VPS13A: variants seen among roughly 807,000 people sequenced by gnomAD.
VPS13A encodes the protein vacuolar protein sorting 13 homolog A, also known as intermembrane lipid transfer protein VPS13A.
Under a neutral mutation model 390.9 loss-of-function variants are expected in VPS13A, and 264 were observed. That is an observed-to-expected ratio of 0.68 (90% confidence interval 0.61 to 0.75). The LOEUF (loss-of-function observed/expected upper bound fraction) is 0.75, where lower values mean the gene tolerates loss of function less well. Among genes scored for constraint, VPS13A ranks in the 30% least tolerant of loss-of-function variants. The pLI is 0.00. For missense variants in VPS13A, 3,409 were observed against 3,733.9 expected (o/e 0.91, Z 2.27); for synonymous variants, 1,231 against 1,227.1 (o/e 1.00, Z -0.07).
chr9:77,416,770 T>TTAA lies in VPS13A; in HGVS notation c.*767_*769dup, dbSNP rs1835181368. On this transcript the variant is annotated 3_prime_UTR_variant, in exon 72 of 72. Transcript: ENST00000360280. Reference sequence around the variant, plus strand: ...TACTTGGTTTACCCAAGTCATGTTTTTAATAGACTGCTAATATCAAAGGAG... The same window carrying TTAA: ...TACTTGGTTTACCCAAGTCATGTTTTTAATAATAGACTGCTAATATCAAAGGAG... The TTAA allele has an allele frequency of 6.6e-6, 1 of 152,484 alleles. No homozygotes were observed. Among genetic ancestry groups the TTAA allele is most frequent in the South Asian group, 2.1e-4 (1 of 4,836 alleles). The allele number at this position is 152,484 out of a possible 1,614,324, so 9.4% of individuals were successfully genotyped here.
intron 31 of VPS13A, among the ~76,000 whole-genome samples, chr9:77,284,070 G>T (rs1294279874): frequency 6.8e-6 from 1 of 148,096 alleles, no homozygotes; most frequent in Non-Finnish European, 1.5e-5. Flanking sequence ...AAAGCTTATT[G>T]TCATCAGCGA....
intron 54 of VPS13A, among the ~76,000 whole-genome samples, chr9:77,354,853 G>A (rs548565975): frequency 6.6e-6 from 1 of 152,176 alleles, no homozygotes; most frequent in Non-Finnish European, 1.5e-5. Flanking sequence ...ACTACTTGCT[G>A]TACTGACATA....
At chr9:77,306,915 T>A (rs186364946) in intron 34 of VPS13A, among the ~76,000 whole-genome samples, 102 of 150,806 alleles carry the variant, frequency 6.8e-4, no homozygotes, top group African/African-American at 2.2e-3. Context: ...TCTTTATTTT[T>A]TTTTTTTTTT....
At chr9:77,245,449 C>A (rs1438112356) in intron 19 of VPS13A, among the ~76,000 whole-genome samples, 1 of 152,182 alleles carries the variant, frequency 6.6e-6, no homozygotes, top group Non-Finnish European at 1.5e-5. Flanking sequence ...GAATCCAAAT[C>A]ATTTGGGGAA....
At chr9:77,346,022 G>C (rs1831131507) in intron 52 of VPS13A, among the ~76,000 whole-genome samples, 1 of 152,048 alleles carries the variant, frequency 6.6e-6, no homozygotes, top group East Asian at 1.9e-4. Context: ...CTCTTCCTTT[G>C]AGAAGATACC....
At chr9:77,180,498 C>G (rs1823943062) in intron 1 of VPS13A, among the ~76,000 whole-genome samples, 1 of 152,120 alleles carries the variant, frequency 6.6e-6, no homozygotes, top group Non-Finnish European at 1.5e-5. Context: ...TTTTGGTATT[C>G]ATATCTAAGA....
At chr9:77,251,883 A>G (rs1324013760) in intron 21 of VPS13A, among the ~76,000 whole-genome samples, 1 of 152,212 alleles carries the variant, frequency 6.6e-6, no homozygotes, top group Non-Finnish European at 1.5e-5. Context: ...CAGAATTTTG[A>G]GAATTAACAT....
At chr9:77,357,951 CCTT>C in intron 56 of VPS13A, 113 bp downstream of exon 56, 5 of 673,486 alleles carry the variant, frequency 7.4e-6, no homozygotes, top group Admixed American at 4.2e-5. Context: ...GTTGTGCTAG[CCTT>C]TTTTTTTTTT....
chr9:77,295,929 T>G, intron 33 of VPS13A, 83 bp downstream of exon 33: 3 of 1,348,624 alleles, frequency 2.2e-6, no homozygotes, highest in Non-Finnish European at 3.1e-6. Context: ...GTAGTCTGTT[T>G]ACAGTGAGAT....
At chr9:77,344,524 G>A (rs750574325) in intron 51 of VPS13A, among the ~76,000 whole-genome samples, 2 of 152,088 alleles carry the variant, frequency 1.3e-5, no homozygotes, top group African/African-American at 2.4e-5. Context: ...TTGGGAGGCC[G>A]AGGCAGGCGG....
chr9:77,377,289 G>T (rs1322283594), intron 67 of VPS13A, among the ~76,000 whole-genome samples: 4 of 130,434 alleles, frequency 3.1e-5, no homozygotes, highest in Non-Finnish European at 6.2e-5. Context: ...GCGCAATCTC[G>T]GCTCACTGCA....
chr9:77,177,942 T>A, intron 1 of VPS13A, 138 bp downstream of exon 1: 1 of 698,164 alleles, frequency 1.4e-6, no homozygotes, highest in African/African-American at 1.8e-5. Context: ...CGCCTGTGGG[T>A]CAAGTTACGT....
rs113052866 is a variant in VPS13A, at chr9:77,384,631, G to GTGA, written c.9189+2575_9189+2577dup. 11,831 of 1,605,702 alleles carry GTGA rather than the reference G, an allele frequency of 7.4e-3. 191 individuals carry two copies. In the African/African-American group the frequency reaches 0.074, roughly 10 times the overall value. On this transcript the variant is annotated intron_variant, in intron 68 of 71. Coordinates refer to ENST00000360280, the MANE Select transcript of VPS13A (RefSeq NM_033305.3). ...TGGATTATGACTCACAGTAGCAGTA[G>GTGA]TGATGATGATGATGATGATGATGAT...
In VPS13A at chr9:77,205,390, CT is replaced by C; in HGVS notation, c.267del (p.Ile90Ter). 1 of 1,432,342 alleles carries C rather than the reference CT, an allele frequency of 7.0e-7. No individual in the cohort carries two copies. Among genetic ancestry groups the C allele is most frequent in the Non-Finnish European group, 9.3e-7 (1 of 1,077,448 alleles). 88.7% of individuals were successfully genotyped at this position (1,432,342 alleles called of 1,614,324 possible). ...VEAVLEEIYL[L>X]IVPSSRIKYD... ...AGCCGTATTGGAAGAAATTTATTTA[CT>C]TATAGTGCCTTCTTCTAGTAAGTTA... On this transcript the variant is annotated frameshift_variant, in exon 4 of 72. Transcript: ENST00000360280. LOFTEE classifies it high-confidence loss of function.
At chr9:77,411,620 G>A (rs112578477) in intron 71 of VPS13A, among the ~76,000 whole-genome samples, 1,671 of 125,788 alleles carry the variant, frequency 0.013, 19 homozygotes, top group Non-Finnish European at 0.02. Context: ...CCGAGATGGC[G>A]CCACTGCACT....
intron 23 of VPS13A, among the ~76,000 whole-genome samples, chr9:77,268,427 C>T (rs763553212): frequency 7.2e-5 from 11 of 152,098 alleles, no homozygotes; most frequent in African/African-American, 1.9e-4. Flanking sequence ...TTTGTGCTTC[C>T]GGGGTGAGGC....
chr9:77,258,811 A>AT (rs150150260), intron 22 of VPS13A, among the ~76,000 whole-genome samples: 12,336 of 151,974 alleles, frequency 0.081, 625 homozygotes, highest in East Asian at 0.13. Flanking sequence ...CTAAGAATTG[A>AT]TTTTTTTTAG....
At chr9:77,343,086 G>C (rs138190735) in intron 50 of VPS13A, among the ~76,000 whole-genome samples, 159 of 152,226 alleles carry the variant, frequency 1.0e-3, no homozygotes, top group Middle Eastern at 0.01. Context: ...CTCAGCTCAG[G>C]CGCTCCCTTT....
intron 46 of VPS13A, among the ~76,000 whole-genome samples, chr9:77,332,858 A>C (rs77529336): frequency 1.3e-3 from 196 of 152,324 alleles, no homozygotes; most frequent in African/African-American, 4.6e-3. Flanking sequence ...AGAAGGACAG[A>C]GGCAAAACTG....
Sources: allele counts gnomAD v4.1 joint callset (sites outside exome capture counted in the v4.1 genomes callset), GRCh38; gene constraint gnomAD v4.1.1; transcripts MANE v1.5; gene names NCBI Gene and HGNC (gene_info 2026-07-23, HGNC 2026-07-21).